DTNA: variants seen among roughly 807,000 people sequenced by gnomAD.
The protein encoded by DTNA is dystrobrevin alpha.
Under a neutral mutation model 100.7 loss-of-function variants are expected in DTNA, and 43 were observed. That is an observed-to-expected ratio of 0.43 (90% CI 0.33 to 0.55). The LOEUF is 0.55. DTNA is among the 20% of genes least tolerant of loss of function. DTNA has a pLI of 0.04. For missense variants in DTNA, 798 were observed against 953.9 expected (o/e 0.84, Z 2.15); for synonymous variants, 349 against 347.9 (o/e 1.00, Z -0.04).
At chr18:34,864,430 T>G (rs1357934024) in intron 17 of DTNA, among the ~76,000 whole-genome samples, 1 of 151,080 alleles carries the variant, frequency 6.6e-6, no homozygotes, top group Non-Finnish European at 1.5e-5. Flanking sequence ...ATGTTTTGTA[T>G]TTTTAGTAGA....
chr18:34,671,464 A>G (rs2076749148), intron 1 of DTNA, among the ~76,000 whole-genome samples: 1 of 151,812 alleles, frequency 6.6e-6, no homozygotes, highest in Admixed American at 6.6e-5. Context: ...TTCAGACATC[A>G]CCTGTCTTCT....
chr18:34,753,357 A>ATTTATTTTAT (rs1568412298), intron 1 of DTNA, among the ~76,000 whole-genome samples: 270 of 1,868 alleles, frequency 0.14, 6 homozygotes, highest in African/African-American at 0.3. Flanking sequence ...TTATTTATTT[A>ATTTATTTTAT]TTTATTTTAT....
At chr18:34,571,480 C>G (rs1040010667) in intron 1 of DTNA, among the ~76,000 whole-genome samples, 3 of 152,074 alleles carry the variant, frequency 2.0e-5, no homozygotes, top group Non-Finnish European at 4.4e-5. Context: ...GTGGCTCACC[C>G]CTGTAATCCC....
intron 22 of DTNA, among the ~76,000 whole-genome samples, chr18:34,886,287 AG>A (rs1466338364): frequency 7.2e-5 from 11 of 152,354 alleles, no homozygotes; most frequent in African/African-American, 2.6e-4. Flanking sequence ...ATGAGCGAAG[AG>A]GAAGGAGCTC....
At chr18:34,795,433 C>T (rs1262551688) in intron 4 of DTNA, among the ~76,000 whole-genome samples, 4 of 152,184 alleles carry the variant, frequency 2.6e-5, no homozygotes, top group African/African-American at 4.8e-5. Flanking sequence ...GTCTTTGCTT[C>T]GGCTGTGCAC....
At chr18:34,565,157 G>A (rs1220594891) in intron 1 of DTNA, among the ~76,000 whole-genome samples, 1 of 152,182 alleles carries the variant, frequency 6.6e-6, no homozygotes, top group Non-Finnish European at 1.5e-5. Context: ...TAATTTAAAT[G>A]ACTTGAGAGA....
intron 11 of DTNA, 127 bp from the exon 12 acceptor site, chr18:34,837,967 T>C: frequency 1.1e-6 from 1 of 892,318 alleles, no homozygotes; most frequent in South Asian, 1.4e-5. Context: ...CTTGAACATT[T>C]CAAAATAATA....
Position 34,889,592 on chromosome 18 carries a change from C to G in DTNA, c.*1858C>G. The G allele has an allele frequency of 2.0e-5, 20 of 985,396 alleles. No individual in the cohort carries two copies. The highest frequency in any genetic ancestry group is 2.4e-5 in the Non-Finnish European group (20 of 829,926). The allele number at this position is 985,396 out of a possible 1,614,324, so 61.0% of individuals were successfully genotyped here. Reference sequence around the variant, plus strand: ...GCCAAGTCCTGACATCTTCATGCCCCCTCTGCAGAGGGCGGCTGTACGATG... The same window carrying G: ...GCCAAGTCCTGACATCTTCATGCCCGCTCTGCAGAGGGCGGCTGTACGATG... On this transcript the variant is annotated 3_prime_UTR_variant, in exon 23 of 23. Coordinates refer to ENST00000444659, the MANE Select transcript of DTNA (RefSeq NM_001386795.1).
intron 1 of DTNA, among the ~76,000 whole-genome samples, chr18:34,633,230 G>A (rs897477980): frequency 6.6e-6 from 1 of 152,084 alleles, no homozygotes; most frequent in African/African-American, 2.4e-5. Flanking sequence ...ATGCTAGAGA[G>A]GTCTGGTGCT....
chr18:34,679,874 T>A (rs530872744), intron 1 of DTNA, among the ~76,000 whole-genome samples: 25 of 152,264 alleles, frequency 1.6e-4, no homozygotes, highest in African/African-American at 6.0e-4. Context: ...GTCTTGACCG[T>A]CACTTCCCAG....
At chr18:34,537,631 A>G (rs1003594111) in intron 1 of DTNA, among the ~76,000 whole-genome samples, 2 of 152,016 alleles carry the variant, frequency 1.3e-5, no homozygotes, top group African/African-American at 2.4e-5. Flanking sequence ...CAAATGTGAT[A>G]AATGCAGCAA....
At chr18:34,608,855 C>T (rs1031711077) in intron 1 of DTNA, among the ~76,000 whole-genome samples, 1 of 152,200 alleles carries the variant, frequency 6.6e-6, no homozygotes, top group Non-Finnish European at 1.5e-5. Flanking sequence ...CTTGGATTGG[C>T]TGTGCTATAG....
chr18:34,555,640 A>C (rs933211757), intron 1 of DTNA, among the ~76,000 whole-genome samples: 8 of 152,136 alleles, frequency 5.3e-5, no homozygotes, highest in Non-Finnish European at 1.0e-4. Context: ...TGTATCCAGT[A>C]GTCGTTCAGG....
chr18:34,616,240 C>A (rs1223081557), intron 1 of DTNA, among the ~76,000 whole-genome samples: 1 of 152,132 alleles, frequency 6.6e-6, no homozygotes, highest in Non-Finnish European at 1.5e-5. Flanking sequence ...CACAGCCTAG[C>A]TAAAACTATT....
chr18:34,872,641 TA>T (rs2096776848), intron 17 of DTNA, among the ~76,000 whole-genome samples: 1 of 152,200 alleles, frequency 6.6e-6, no homozygotes, highest in Non-Finnish European at 1.5e-5. Flanking sequence ...TACCAATTGA[TA>T]AACAGTCCAA....
At chr18:34,592,470 A>ACACACACACACC (rs1491028528) in intron 1 of DTNA, among the ~76,000 whole-genome samples, 3 of 43,934 alleles carry the variant, frequency 6.8e-5, no homozygotes, top group Admixed American at 3.6e-4. Flanking sequence ...CTTGTATAAC[A>ACACACACACACC]CACACACACA....
At chr18:34,575,320 G>A (rs183131899) in intron 1 of DTNA, among the ~76,000 whole-genome samples, 80 of 152,186 alleles carry the variant, frequency 5.3e-4, no homozygotes, top group African/African-American at 1.9e-3. Flanking sequence ...AGTTTGTAAG[G>A]AAGATTTTAC....
chr18:34,560,943 G>A (rs1357677831), intron 1 of DTNA, among the ~76,000 whole-genome samples: 4 of 151,982 alleles, frequency 2.6e-5, no homozygotes, highest in East Asian at 1.9e-4. Context: ...TTTGAATAAC[G>A]TTTCTTGATT....
intron 1 of DTNA, among the ~76,000 whole-genome samples, chr18:34,644,309 GA>G (rs1361264553): frequency 1.3e-5 from 2 of 152,106 alleles, no homozygotes; most frequent in East Asian, 3.9e-4. Flanking sequence ...TTATCATCAA[GA>G]GGATGTTTTT....
Sources: allele counts gnomAD v4.1 joint callset (sites outside exome capture counted in the v4.1 genomes callset), GRCh38; gene constraint gnomAD v4.1.1; transcripts MANE v1.5; gene names NCBI Gene and HGNC (gene_info 2026-07-23, HGNC 2026-07-21).